NRXN3: variants seen among roughly 807,000 people sequenced by gnomAD.
The protein encoded by NRXN3 is neurexin 3, also known as neurexin III.
NRXN3 carries 32 observed loss-of-function variants against 137.6 expected under a neutral mutation model. That is an observed-to-expected ratio of 0.23 (90% CI 0.18 to 0.31). The LOEUF (loss-of-function observed/expected upper bound fraction) is 0.31, where lower values mean the gene tolerates loss of function less well. NRXN3 is among the 10% of genes least tolerant of loss of function. NRXN3 has a pLI of 1.00. For synonymous variants in NRXN3, 798 were observed against 784.5 expected, an observed-to-expected ratio of 1.02 and a Z score of -0.29; for missense variants, 1,574 against 2,062.5, an observed-to-expected ratio of 0.76 and a Z score of 4.59.
At chr14:79,025,436 C>T (rs1306876493) in intron 15 of NRXN3, among the ~76,000 whole-genome samples, 1 of 152,144 alleles carries the variant, frequency 6.6e-6, no homozygotes, top group Non-Finnish European at 1.5e-5. Context: ...AGCAGCATGG[C>T]TGAAGTCACT....
intron 19 of NRXN3, among the ~76,000 whole-genome samples, chr14:79,709,669 C>T (rs553212011): frequency 3.3e-5 from 5 of 152,048 alleles, no homozygotes; most frequent in East Asian, 1.9e-4. Flanking sequence ...TTTCTCCTCC[C>T]GGATACTGAG....
chr14:79,059,620 A>G (rs2099671666), intron 15 of NRXN3, among the ~76,000 whole-genome samples: 1 of 152,114 alleles, frequency 6.6e-6, no homozygotes, highest in Admixed American at 6.5e-5. Context: ...GAGTCCAAAC[A>G]AGGTCTCTAG....
At chr14:79,110,482 T>A (rs1227614272) in intron 15 of NRXN3, among the ~76,000 whole-genome samples, 2 of 152,250 alleles carry the variant, frequency 1.3e-5, no homozygotes, top group Non-Finnish European at 2.9e-5. Context: ...CTGTCACTTT[T>A]GTCTTTTTAT....
intron 15 of NRXN3, among the ~76,000 whole-genome samples, chr14:79,438,185 T>A (rs2095873983): frequency 6.6e-6 from 1 of 152,216 alleles, no homozygotes; most frequent in Admixed American, 6.5e-5. Context: ...TGTAGCCTTG[T>A]CTGGACTCCC....
At chr14:78,766,647 T>A (rs2098710095) in intron 8 of NRXN3, among the ~76,000 whole-genome samples, 1 of 152,180 alleles carries the variant, frequency 6.6e-6, no homozygotes, top group Non-Finnish European at 1.5e-5. Flanking sequence ...GAAACTGAAC[T>A]ATAGAGAAAT....
At position 79,772,762 on chromosome 14, in the gene NRXN3, C is replaced by T. The variant is rs549669522; in HGVS notation, c.4015-32350C>T. 2.9e-3 allele frequency among the ~76,000 whole-genome samples: 435 copies of T among 152,016 alleles called. 1 individual carries two copies. Among genetic ancestry groups the T allele is most frequent in the Non-Finnish European group, 5.1e-3 (349 of 67,902 alleles). On this transcript the variant is annotated intron_variant, in intron 19 of 20. Coordinates refer to ENST00000335750, the MANE Select transcript of NRXN3 (RefSeq NM_001330195.2). ...ACACCAAAAGCAATGGCAACCAAAGCCAAAATTGACAAATGGGATCTAATT... is the reference window on the plus strand; with the variant it reads ...ACACCAAAAGCAATGGCAACCAAAGTCAAAATTGACAAATGGGATCTAATT...
intron 10 of NRXN3, among the ~76,000 whole-genome samples, chr14:78,835,314 G>A (rs572719363): frequency 9.2e-5 from 14 of 152,300 alleles, no homozygotes; most frequent in South Asian, 2.1e-4. Context: ...CTGCTGAAAC[G>A]GATTCGACCA....
Position 79,541,903 on chromosome 14 carries a change from C to T in NRXN3, c.3444+74501C>T, listed in dbSNP as rs74373046. Reference sequence around the variant, plus strand: ...ACTTTGGTTGGGTAATATGAGGAAGCGTCCAAGAAAGCCTAGTTCACTTTA... The same window carrying T: ...ACTTTGGTTGGGTAATATGAGGAAGTGTCCAAGAAAGCCTAGTTCACTTTA... On this transcript the variant is annotated intron_variant, in intron 16 of 20. Transcript: ENST00000335750. 6.4e-3 allele frequency among the ~76,000 whole-genome samples: 967 copies of T among 152,200 alleles called. 10 individuals carry two copies. The highest frequency in any genetic ancestry group is 0.041 in the Middle Eastern group (12 of 292).
intron 2 of NRXN3, among the ~76,000 whole-genome samples, chr14:78,268,285 G>GTT (rs67231903): frequency 5.3e-5 from 8 of 150,292 alleles, no homozygotes; most frequent in African/African-American, 1.7e-4. Flanking sequence ...GTTTTGTTTT[G>GTT]TTTTGTTTTC....
chr14:78,523,379 C>T (rs556583964), intron 4 of NRXN3, among the ~76,000 whole-genome samples: 6 of 152,248 alleles, frequency 3.9e-5, no homozygotes, highest in South Asian at 2.1e-4. Context: ...GTTCATAACT[C>T]GCAATAATTT....
intron 15 of NRXN3, among the ~76,000 whole-genome samples, chr14:79,391,336 T>C (rs975952011): frequency 6.6e-6 from 1 of 152,172 alleles, no homozygotes; most frequent in Non-Finnish European, 1.5e-5. Context: ...GGCACAGTAA[T>C]TGGGTTCAAG....
At chr14:78,533,353 A>G (rs1044393774) in intron 4 of NRXN3, among the ~76,000 whole-genome samples, 53 of 151,910 alleles carry the variant, frequency 3.5e-4, no homozygotes, top group African/African-American at 1.2e-3. Context: ...CCCAACCTCC[A>G]GCTCTCTTCT....
chr14:79,713,185 T>G (rs974066136), intron 19 of NRXN3, among the ~76,000 whole-genome samples: 5 of 146,578 alleles, frequency 3.4e-5, no homozygotes, highest in African/African-American at 1.3e-4. Flanking sequence ...TTTTTTTTTT[T>G]TTTTTACCCT....
chr14:79,261,115 G>A (rs1196011300), intron 15 of NRXN3, among the ~76,000 whole-genome samples: 2 of 152,184 alleles, frequency 1.3e-5, no homozygotes, highest in Admixed American at 6.5e-5. Flanking sequence ...CTGGGAAGGG[G>A]TGAGGAGGAG....
intron 16 of NRXN3, among the ~76,000 whole-genome samples, chr14:79,655,968 G>C (rs145636314): frequency 6.2e-4 from 94 of 152,304 alleles, no homozygotes; most frequent in African/African-American, 2.2e-3. Context: ...AGAGGGTCTT[G>C]CACTAGCACT....
At chr14:78,469,692 C>T (rs1376666502) in intron 4 of NRXN3, among the ~76,000 whole-genome samples, 1 of 152,132 alleles carries the variant, frequency 6.6e-6, no homozygotes, top group African/African-American at 2.4e-5. Flanking sequence ...GGTGGGAAAT[C>T]GCCCTGAAAA....
At chr14:79,138,474 T>C (rs2058471054) in intron 15 of NRXN3, among the ~76,000 whole-genome samples, 1 of 152,238 alleles carries the variant, frequency 6.6e-6, no homozygotes. Context: ...ATGTATGTTC[T>C]GAAAGGCACT....
intron 4 of NRXN3, among the ~76,000 whole-genome samples, chr14:78,379,250 C>T (rs2088565222): frequency 6.6e-6 from 1 of 152,060 alleles, no homozygotes; most frequent in African/African-American, 2.4e-5. Context: ...GAAATCTCTT[C>T]CCTATTTATT....
Position 78,317,777 on chromosome 14 carries a change from C to T in NRXN3, c.757+19917C>T, listed in dbSNP as rs1179341852. On this transcript the variant is annotated intron_variant, in intron 4 of 20. Coordinates refer to ENST00000335750, the MANE Select transcript of NRXN3 (RefSeq NM_001330195.2). ...ACACGTAAAATTACACTTCACAAGT[C>T]TACCCCTTTTCAACTCGACACTCAT... Among the ~76,000 whole-genome samples, 6 of 152,142 alleles carry T rather than the reference C, an allele frequency of 3.9e-5. No individual in the cohort carries two copies. The East Asian group carries it at 7.7e-4, about 20-fold the overall frequency.
Sources: allele counts gnomAD v4.1 joint callset (sites outside exome capture counted in the v4.1 genomes callset), GRCh38; gene constraint gnomAD v4.1.1; transcripts MANE v1.5; gene names NCBI Gene and HGNC (gene_info 2026-07-23, HGNC 2026-07-21).